Variants in UBAC2 observed in about 807,000 individuals in gnomAD.
The protein encoded by UBAC2 is ubiquitin-associated domain-containing protein 2.
In UBAC2, 26 loss-of-function variants were observed where a neutral mutation model predicts 44.0. The observed-to-expected ratio is 0.59, with a 90% CI of 0.43 to 0.82. The LOEUF (loss-of-function observed/expected upper bound fraction) is 0.82, where lower values mean the gene tolerates loss of function less well. Among genes scored for constraint, UBAC2 ranks in the 40% least tolerant of loss-of-function variants. The pLI is 0.00. For missense variants in UBAC2, 329 were observed against 419.4 expected, an observed-to-expected ratio of 0.78 and a Z score of 1.88; for synonymous variants, 155 against 154.3, an observed-to-expected ratio of 1.00 and a Z score of -0.04.
At chr13:99,338,047 C>CTTTTTCTTTTTTTT (rs2044821100) in intron 6 of UBAC2, among the ~76,000 whole-genome samples, 11 of 48,856 alleles carry the variant, frequency 2.3e-4, no homozygotes, top group African/African-American at 5.0e-4. Flanking sequence ...TTCTTTTTTT[C>CTTTTTCTTTTTTTT]TTTTTTTTTT....
intron 4 of UBAC2, among the ~76,000 whole-genome samples, chr13:99,304,040 G>A (rs953071343): frequency 4.6e-5 from 7 of 152,054 alleles, no homozygotes; most frequent in African/African-American, 7.2e-5. Flanking sequence ...GCAGCTTCCC[G>A]CCAGGCTCTC....
intron 7 of UBAC2, among the ~76,000 whole-genome samples, chr13:99,344,177 C>G (rs1394997184): frequency 1.3e-5 from 2 of 152,200 alleles, no homozygotes; most frequent in African/African-American, 4.8e-5. Context: ...GGTATTCCCT[C>G]ATGACCCCGG....
At chr13:99,216,082 T>TGTGTGTGTGTGTG (rs1566450747) in intron 1 of UBAC2, among the ~76,000 whole-genome samples, 7 of 148,740 alleles carry the variant, frequency 4.7e-5, no homozygotes, top group African/African-American at 7.4e-5. Flanking sequence ...CAACCTATAT[T>TGTGTGTGTGTGTG]TGTGTGTGTG....
At chr13:99,311,348 T>C (rs898755575) in intron 4 of UBAC2, among the ~76,000 whole-genome samples, 2 of 152,176 alleles carry the variant, frequency 1.3e-5, no homozygotes, top group Non-Finnish European at 2.9e-5. Flanking sequence ...GAGAAGGTGC[T>C]GTCCTGCGGA....
chr13:99,292,933 A>G (rs1282792943), intron 4 of UBAC2, among the ~76,000 whole-genome samples: 1 of 152,202 alleles, frequency 6.6e-6, no homozygotes, highest in Non-Finnish European at 1.5e-5. Context: ...CCTGTTCTCC[A>G]AGTTGACCTC....
At chr13:99,357,134 A>G (rs1249469463) in intron 7 of UBAC2, among the ~76,000 whole-genome samples, 1 of 152,234 alleles carries the variant, frequency 6.6e-6, no homozygotes, top group African/African-American at 2.4e-5. Flanking sequence ...CTATGTTTAG[A>G]TACACAACTA....
intron 7 of UBAC2, among the ~76,000 whole-genome samples, chr13:99,361,779 A>G (rs1335325860): frequency 6.6e-6 from 1 of 152,216 alleles, no homozygotes; most frequent in Non-Finnish European, 1.5e-5. Flanking sequence ...GACATTGCCA[A>G]ATATCTCCTG....
chr13:99,264,669 G>A (rs2043717542), intron 4 of UBAC2, among the ~76,000 whole-genome samples: 1 of 152,204 alleles, frequency 6.6e-6, no homozygotes, highest in East Asian at 1.9e-4. Context: ...TTCTGTGAGG[G>A]GTCATCCACT....
chr13:99,266,312 A>C (rs1019778247), intron 4 of UBAC2, among the ~76,000 whole-genome samples: 3 of 152,136 alleles, frequency 2.0e-5, no homozygotes, highest in African/African-American at 7.2e-5. Context: ...CATTGGGAGA[A>C]CTGTCTTGGG....
chr13:99,252,888 T>C (rs2142757498), intron 4 of UBAC2, among the ~76,000 whole-genome samples: 1 of 152,130 alleles, frequency 6.6e-6, no homozygotes, highest in Non-Finnish European at 1.5e-5. Flanking sequence ...TGCTTTTTGC[T>C]CTGAGACTAA....
intron 8 of UBAC2, among the ~76,000 whole-genome samples, chr13:99,381,162 A>G (rs1020260571): frequency 5.3e-5 from 8 of 152,222 alleles, no homozygotes; most frequent in Non-Finnish European, 1.0e-4. Context: ...TCCCAGACCT[A>G]AGGGGTTCTT....
chr13:99,307,787 A>G (rs1278476815), intron 4 of UBAC2, among the ~76,000 whole-genome samples: 3 of 152,242 alleles, frequency 2.0e-5, no homozygotes, highest in Non-Finnish European at 4.4e-5. Context: ...TTTTAAGGAA[A>G]ATAGTGTCAA....
rs112468881 is a variant in UBAC2 at position 99,369,769 on chromosome 13, C to T, written c.927+1863C>T. ...ACCTTAACCAGGTTATCAAAATTAA[C>T]ATCACCAATTATGGAACAAAGAATT... On this transcript the variant is annotated intron_variant, in intron 8 of 8. Coordinates refer to ENST00000403766, the MANE Select transcript of UBAC2 (RefSeq NM_001144072.2). Among the ~76,000 whole-genome samples the T allele has an allele frequency of 8.2e-3, 1,245 of 152,300 alleles. 11 individuals carry two copies. Among genetic ancestry groups the T allele is most frequent in the South Asian group, 0.056 (270 of 4,830 alleles).
intron 7 of UBAC2, among the ~76,000 whole-genome samples, chr13:99,347,029 G>A (rs555725530): frequency 4.9e-4 from 75 of 152,278 alleles, no homozygotes; most frequent in African/African-American, 1.7e-3. Flanking sequence ...TGTAATCCCA[G>A]CACTTTGGGA....
chr13:99,258,940 T>C (rs2043615265), intron 4 of UBAC2, among the ~76,000 whole-genome samples: 1 of 152,264 alleles, frequency 6.6e-6, no homozygotes, highest in Non-Finnish European at 1.5e-5. Context: ...TAATTGCTTC[T>C]GCTTTGCCAC....
chr13:99,336,664 G>C (rs1397305850), intron 6 of UBAC2, among the ~76,000 whole-genome samples: 1 of 152,108 alleles, frequency 6.6e-6, no homozygotes, highest in Admixed American at 6.5e-5. Context: ...CCTAGATAAA[G>C]ACCACACTGT....
chr13:99,213,526 A>AATTTTTGT (rs561644669), intron 1 of UBAC2, among the ~76,000 whole-genome samples: 1 of 151,558 alleles, frequency 6.6e-6, no homozygotes, highest in Non-Finnish European at 1.5e-5. Context: ...ATGCCCAGCT[A>AATTTTTGT]ATTTTTGTAT....
intron 1 of UBAC2, among the ~76,000 whole-genome samples, chr13:99,225,199 G>C (rs1358927140): frequency 2.6e-5 from 4 of 152,042 alleles, no homozygotes; most frequent in African/African-American, 7.3e-5. Flanking sequence ...TTTGTGTATA[G>C]TCCAGTAGTA....
At chr13:99,323,417 A>G (rs762447971) in intron 6 of UBAC2, among the ~76,000 whole-genome samples, 46 of 152,322 alleles carry the variant, frequency 3.0e-4, no homozygotes, top group Admixed American at 1.8e-3. Context: ...CCTGGCCAAC[A>G]TGGCAAAACC....
Sources: gnomAD v4.1 joint callset for allele counts (sites outside exome capture counted in the v4.1 genomes callset) on GRCh38, gnomAD v4.1.1 for gene constraint, MANE v1.5 for transcripts, NCBI Gene and HGNC (gene_info 2026-07-23, HGNC 2026-07-21) for gene names.